The following TNIP3 variants were observed in gnomAD, a reference collection of about 807,000 sequenced individuals.
TNIP3 encodes TNFAIP3-interacting protein 3.
In TNIP3, 34 loss-of-function variants were observed where a neutral mutation model predicts 54.1. The ratio of observed to expected loss-of-function variants is 0.63; its 90% confidence interval spans 0.48 to 0.84. The LOEUF (loss-of-function observed/expected upper bound fraction) is 0.84, where lower values mean the gene tolerates loss of function less well. Among genes scored for constraint, TNIP3 ranks in the 40% least tolerant of loss-of-function variants. The pLI is 0.00. For synonymous variants in TNIP3, 134 were observed against 136.8 expected (o/e 0.98, Z 0.14); for missense variants, 366 against 387.6 (o/e 0.94, Z 0.47).
At chr4:121,150,728 C>T (rs1405655467) in intron 5 of TNIP3, among the ~76,000 whole-genome samples, 1 of 152,166 alleles carries the variant, frequency 6.6e-6, no homozygotes, top group African/African-American at 2.4e-5. Flanking sequence ...TAACATTCTA[C>T]TATATAACTA....
intron 2 of TNIP3, among the ~76,000 whole-genome samples, chr4:121,214,156 C>G (rs1726652132): frequency 6.6e-6 from 1 of 152,128 alleles, no homozygotes; most frequent in Non-Finnish European, 1.5e-5. Flanking sequence ...GCTCTCGCCT[C>G]TTGTCTTTAT....
chr4:121,183,062 G>A lies in TNIP3; in HGVS notation c.69-266C>T, dbSNP rs140404042. 3.8e-3 allele frequency among the ~76,000 whole-genome samples: 572 copies of A among 152,256 alleles called. 3 individuals carry two copies. Among genetic ancestry groups the A allele is most frequent in the Middle Eastern group, 0.037 (11 of 294 alleles). On this transcript the variant is annotated intron_variant, in intron 2 of 12. Coordinates refer to the TNIP3 transcript ENST00000507879. The stretch of plus-strand genomic sequence containing the variant: ...TGAGAACAATGGCAAGAATTGAATC[G>A]AACACTCACGGTGAGCCAGGTTCTT...
At chr4:121,150,973 T>C (rs1160955612) in intron 5 of TNIP3, among the ~76,000 whole-genome samples, 1 of 152,192 alleles carries the variant, frequency 6.6e-6, no homozygotes, top group African/African-American at 2.4e-5. Flanking sequence ...AAAGAAGTAA[T>C]ACCTGTATTC....
chr4:121,206,838 A>G (rs1012622636), intron 2 of TNIP3, among the ~76,000 whole-genome samples: 9 of 152,158 alleles, frequency 5.9e-5, no homozygotes, highest in Non-Finnish European at 1.2e-4. Context: ...CCAAAGTGCT[A>G]GGATTACAGG....
chr4:121,220,798 G>T (rs897036752), upstream of TNIP3, among the ~76,000 whole-genome samples: 1 of 152,150 alleles, frequency 6.6e-6, no homozygotes, highest in Non-Finnish European at 1.5e-5. Flanking sequence ...GTGCCAGTCT[G>T]TGTGTTTTAC....
chr4:121,158,102 A>T (rs1730220672), intron 3 of TNIP3, among the ~76,000 whole-genome samples: 1 of 152,226 alleles, frequency 6.6e-6, no homozygotes, highest in Admixed American at 6.5e-5. Context: ...CTTTTTGAAA[A>T]TAGAATAATT....
chr4:121,200,679 G>T (rs1725835692), intron 2 of TNIP3, among the ~76,000 whole-genome samples: 1 of 152,042 alleles, frequency 6.6e-6, no homozygotes, highest in South Asian at 2.1e-4. Flanking sequence ...AATGATCCTG[G>T]AGTTACTGCC....
In TNIP3 at chr4:121,194,890, G is replaced by A. The variant is rs377698129; in HGVS notation, c.69-12094C>T. On this transcript the variant is annotated intron_variant, in intron 2 of 12. Transcript: ENST00000507879. ...CACACACACAGACTTCTTCTCAGCAGGGTAGAGTGGCTCACGCCTGTAATA... is the reference window on the plus strand; with the variant it reads ...CACACACACAGACTTCTTCTCAGCAAGGTAGAGTGGCTCACGCCTGTAATA... 2.6e-5 allele frequency among the ~76,000 whole-genome samples: 4 copies of A among 152,126 alleles called. No homozygotes were observed. The East Asian group carries it at 5.8e-4, about 22-fold the overall frequency.
chr4:121,139,677 T>C (rs1223296697), intron 9 of TNIP3, among the ~76,000 whole-genome samples: 1 of 152,238 alleles, frequency 6.6e-6, no homozygotes, highest in Non-Finnish European at 1.5e-5. Context: ...TGAGAAATGC[T>C]GCTTTTAGTG....
chr4:121,191,219 A>C (rs554476834), intron 2 of TNIP3, among the ~76,000 whole-genome samples: 1 of 152,354 alleles, frequency 6.6e-6, no homozygotes, highest in Middle Eastern at 3.4e-3. Context: ...AGAATAGGAA[A>C]CATTGGCTCC....
At chr4:121,160,811 A>C (rs1730402299) in intron 2 of TNIP3, among the ~76,000 whole-genome samples, 1 of 152,218 alleles carries the variant, frequency 6.6e-6, no homozygotes, top group African/African-American at 2.4e-5. Context: ...AAAGGTCATA[A>C]GGCACAAACG....
intron 2 of TNIP3, among the ~76,000 whole-genome samples, chr4:121,210,262 G>A (rs911704315): frequency 1.3e-5 from 2 of 152,114 alleles, no homozygotes; most frequent in African/African-American, 4.8e-5. Flanking sequence ...CTATTACATA[G>A]AGATAAAATA....
At chr4:121,145,404 A>T (rs930005935) in intron 7 of TNIP3, among the ~76,000 whole-genome samples, 1 of 152,124 alleles carries the variant, frequency 6.6e-6, no homozygotes, top group Non-Finnish European at 1.5e-5. Context: ...GCAGAATTAT[A>T]CCATACTGCA....
chr4:121,168,715 T>C (rs894276603), upstream of TNIP3, among the ~76,000 whole-genome samples: 5 of 152,102 alleles, frequency 3.3e-5, no homozygotes, highest in Non-Finnish European at 7.3e-5. Flanking sequence ...AGATGTGGTC[T>C]CACTATATTG....
At chr4:121,139,457 C>T (rs748967335) in intron 9 of TNIP3, among the ~76,000 whole-genome samples, 4 of 152,212 alleles carry the variant, frequency 2.6e-5, no homozygotes, top group African/African-American at 4.8e-5. Context: ...GCCCACAAAG[C>T]AGGTCTGTCT....
intron 2 of TNIP3, among the ~76,000 whole-genome samples, chr4:121,207,985 A>G (rs528712222): frequency 9.2e-5 from 14 of 152,200 alleles, no homozygotes; most frequent in Admixed American, 9.2e-4. Context: ...CGTCTCCTGA[A>G]ATCTGATGGT....
intron 2 of TNIP3, among the ~76,000 whole-genome samples, chr4:121,213,726 CAA>C (rs34477589): frequency 2.2e-5 from 2 of 91,508 alleles, no homozygotes; most frequent in Non-Finnish European, 4.5e-5. Flanking sequence ...GACTCCGTCT[CAA>C]AAAAAAAAAA....
chr4:121,133,673 G>A (rs1044060898), intron 10 of TNIP3, among the ~76,000 whole-genome samples: 2 of 152,096 alleles, frequency 1.3e-5, no homozygotes, highest in African/African-American at 2.4e-5. Context: ...GATAATCCAC[G>A]GCAGAATGGA....
chr4:121,205,485 A>G (rs1180598495), intron 2 of TNIP3, among the ~76,000 whole-genome samples: 1 of 152,170 alleles, frequency 6.6e-6, no homozygotes, highest in East Asian at 1.9e-4. Context: ...GGTTTTCAGC[A>G]AAGGAGGGAT....
Sources: allele counts gnomAD v4.1 joint callset (sites outside exome capture counted in the v4.1 genomes callset), GRCh38; gene constraint gnomAD v4.1.1; transcripts MANE v1.5; gene names NCBI Gene and HGNC (gene_info 2026-07-23, HGNC 2026-07-21).